The following FUT9 variants were observed in gnomAD, a reference collection of about 807,000 sequenced individuals.
FUT9 encodes the protein 4-galactosyl-N-acetylglucosaminide 3-alpha-L-fucosyltransferase 9.
Under a neutral mutation model 29.7 loss-of-function variants are expected in FUT9, and 15 were observed. That is an observed-to-expected ratio of 0.51 (90% confidence interval 0.34 to 0.78). The LOEUF is 0.78. Ranked by LOEUF, FUT9 falls within the 30% of genes least tolerant of loss-of-function variation. The pLI is 0.01. For synonymous variants in FUT9, 169 were observed against 153.7 expected (o/e 1.10, Z -0.74); for missense variants, 319 against 425.4 (o/e 0.75, Z 2.20).
chr6:96,138,917 C>T (rs987753852), intron 2 of FUT9, among the ~76,000 whole-genome samples: 1 of 152,116 alleles, frequency 6.6e-6, no homozygotes, highest in Non-Finnish European at 1.5e-5. Flanking sequence ...ACCAGCAAGG[C>T]AGAGATCACC....
At chr6:96,050,196 T>C (rs1770640415) in intron 1 of FUT9, among the ~76,000 whole-genome samples, 1 of 152,108 alleles carries the variant, frequency 6.6e-6, no homozygotes, top group South Asian at 2.1e-4. Context: ...CAGCAGAGTA[T>C]TTAATGAAGT....
chr6:96,179,936 C>A (rs1250635612), intron 2 of FUT9, among the ~76,000 whole-genome samples: 1 of 152,048 alleles, frequency 6.6e-6, no homozygotes, highest in Admixed American at 6.6e-5. Flanking sequence ...AGCAAATTGC[C>A]TTTTGCATTG....
At chr6:96,120,268 T>C (rs1219774048) in intron 2 of FUT9, among the ~76,000 whole-genome samples, 12 of 132,512 alleles carry the variant, frequency 9.1e-5, no homozygotes, top group African/African-American at 2.9e-4. Context: ...CTTTTTTCTT[T>C]CTTTTTTTTT....
chr6:96,128,226 G>A (rs1419577057), intron 2 of FUT9, among the ~76,000 whole-genome samples: 2 of 152,006 alleles, frequency 1.3e-5, no homozygotes, highest in Admixed American at 6.6e-5. Flanking sequence ...AAATCTGGGA[G>A]AAAATGTTCC....
chr6:96,170,631 C>T (rs1773096967), intron 2 of FUT9, among the ~76,000 whole-genome samples: 1 of 151,924 alleles, frequency 6.6e-6, no homozygotes, highest in Non-Finnish European at 1.5e-5. Flanking sequence ...TCATTGCCTT[C>T]TAGGTTGAAA....
chr6:96,168,259 C>A (rs1773049995), intron 2 of FUT9, among the ~76,000 whole-genome samples: 1 of 152,088 alleles, frequency 6.6e-6, no homozygotes, highest in African/African-American at 2.4e-5. Flanking sequence ...ATATATGAGT[C>A]TAGAGTTCAG....
At chr6:96,064,477 T>C (rs1770929095) in intron 1 of FUT9, among the ~76,000 whole-genome samples, 1 of 152,160 alleles carries the variant, frequency 6.6e-6, no homozygotes, top group African/African-American at 2.4e-5. Context: ...ATGAGGGGGC[T>C]GATGGCGTCA....
intron 1 of FUT9, among the ~76,000 whole-genome samples, chr6:96,019,185 T>C (rs969067355): frequency 6.6e-6 from 1 of 151,836 alleles, no homozygotes; most frequent in African/African-American, 2.4e-5. Context: ...TTTACAAAAA[T>C]ACCTTAAAAA....
intron 1 of FUT9, among the ~76,000 whole-genome samples, chr6:96,063,422 T>C (rs1562112944): frequency 1.3e-5 from 2 of 151,718 alleles, no homozygotes; most frequent in African/African-American, 4.8e-5. Context: ...GGAGAGAGTA[T>C]GGGGGGCACA....
At chr6:96,054,396 T>C in intron 1 of FUT9, among the ~76,000 whole-genome samples, 1 of 152,234 alleles carries the variant, frequency 6.6e-6, no homozygotes, top group East Asian at 1.9e-4. Context: ...ATATGCTCTA[T>C]AGAATTCATT....
chr6:96,054,705 A>T (rs995547030), intron 1 of FUT9, among the ~76,000 whole-genome samples: 1 of 152,218 alleles, frequency 6.6e-6, no homozygotes, highest in African/African-American at 2.4e-5. Context: ...CACATGGAAG[A>T]GCCCTAACCA....
intron 1 of FUT9, among the ~76,000 whole-genome samples, chr6:96,069,226 C>T (rs535295137): frequency 6.6e-6 from 1 of 151,934 alleles, no homozygotes; most frequent in Admixed American, 6.6e-5. Context: ...CAGGCAGGAG[C>T]ATTGCTTGAA....
chr6:96,081,693 G>A (rs1012166432), intron 1 of FUT9, among the ~76,000 whole-genome samples: 8 of 151,762 alleles, frequency 5.3e-5, no homozygotes, highest in African/African-American at 1.9e-4. Flanking sequence ...TACATATTTA[G>A]AGTAGAAGAA....
Position 96,203,779 on chromosome 6 carries a change from G to A in FUT9, c.624G>A (p.Glu208=). 6.2e-7 allele frequency: 1 copy of A among 1,613,904 alleles called. No individual in the cohort carries two copies. Among genetic ancestry groups the A allele is most frequent in the Non-Finnish European group, 8.5e-7 (1 of 1,179,910 alleles). The change falls in exon 3 of 3, where the codon GAG becomes GAA. Residue 208 remains glutamate (E), a synonymous_variant. Coordinates refer to ENST00000302103, the MANE Select transcript of FUT9 (RefSeq NM_006581.4). ...ATGCCAGAGTCAAGTATTACAATGA[G>A]CTAAGCAAAAGCATTGAAATCCATA... The part of the protein sequence containing the change: ...PEHARVKYYN[E]LSKSIEIHTY...
intron 1 of FUT9, among the ~76,000 whole-genome samples, chr6:96,069,632 TTATTTTA>T (rs1239465226): frequency 3.7e-3 from 122 of 33,094 alleles, no homozygotes; most frequent in Middle Eastern, 0.021. Context: ...TTTTTATTTT[TTATTTTA>T]TTTTTTTGAG....
chr6:96,121,832 A>T (rs1772033901), intron 2 of FUT9, among the ~76,000 whole-genome samples: 1 of 121,930 alleles, frequency 8.2e-6, no homozygotes, highest in South Asian at 3.4e-4. Flanking sequence ...TTGTGTTTGA[A>T]ATATAATCTG....
intron 2 of FUT9, among the ~76,000 whole-genome samples, chr6:96,138,160 T>C (rs1772392299): frequency 6.6e-6 from 1 of 152,174 alleles, no homozygotes; most frequent in African/African-American, 2.4e-5. Flanking sequence ...ACTCATGCCC[T>C]CTCTTGATTA....
At chr6:96,107,722 T>C (rs961180541) in intron 1 of FUT9, among the ~76,000 whole-genome samples, 1 of 152,198 alleles carries the variant, frequency 6.6e-6, no homozygotes, top group Non-Finnish European at 1.5e-5. Context: ...TAAGTGTTAC[T>C]AATTCTGTCG....
At chr6:96,024,905 G>A (rs1383991131) in intron 1 of FUT9, among the ~76,000 whole-genome samples, 1 of 151,740 alleles carries the variant, frequency 6.6e-6, no homozygotes, top group Non-Finnish European at 1.5e-5. Context: ...TCCTCAAGAG[G>A]AGTAAAGCTT....
Sources: allele counts gnomAD v4.1 joint callset (sites outside exome capture counted in the v4.1 genomes callset), GRCh38; gene constraint gnomAD v4.1.1; transcripts MANE v1.5; gene names NCBI Gene and HGNC (gene_info 2026-07-23, HGNC 2026-07-21).